SEMA5A: variants seen among roughly 807,000 people sequenced by gnomAD.
The protein encoded by SEMA5A is semaphorin-5A.
Under a neutral mutation model 135.5 loss-of-function variants are expected in SEMA5A, and 55 were observed. The observed-to-expected ratio is 0.41, with a 90% confidence interval of 0.33 to 0.51. SEMA5A has a LOEUF of 0.51. Ranked by LOEUF, SEMA5A falls within the 20% of genes least tolerant of loss-of-function variation. The pLI, the probability that SEMA5A is intolerant of heterozygous loss-of-function variation, is 0.37. For synonymous variants in SEMA5A, 580 were observed against 546.5 expected, an observed-to-expected ratio of 1.06 and a Z score of -0.85; for missense variants, 1,290 against 1,419.9, an observed-to-expected ratio of 0.91 and a Z score of 1.47.
rs566791166 is a variant in SEMA5A, at chr5:9,093,498, G to T, written c.2073+14642C>A. 2.0e-5 allele frequency among the ~76,000 whole-genome samples: 3 copies of T among 152,078 alleles called. No individual in the cohort carries two copies. The East Asian group carries it at 5.8e-4, about 29-fold the overall frequency. On this transcript the variant is annotated intron_variant, in intron 16 of 22. Transcript: ENST00000382496. ...CTGAGGCAGGTGGCTCACGAGGTCA[G>T]GAGTTCAAGACCAGCCTGACGAATA...
chr5:9,185,474 T>C (rs1196178953), intron 11 of SEMA5A, among the ~76,000 whole-genome samples: 2 of 152,260 alleles, frequency 1.3e-5, no homozygotes, highest in Non-Finnish European at 2.9e-5. Context: ...TGTGTGTATG[T>C]CTTCTTCCTT....
At chr5:9,458,171 T>C (rs1431877268) in intron 1 of SEMA5A, among the ~76,000 whole-genome samples, 1 of 151,858 alleles carries the variant, frequency 6.6e-6, no homozygotes, top group African/African-American at 2.4e-5. Flanking sequence ...CCTCCCAAAG[T>C]GCTGGGATTA....
chr5:9,316,660 T>C (rs982837675), intron 5 of SEMA5A, among the ~76,000 whole-genome samples: 16 of 152,228 alleles, frequency 1.1e-4, no homozygotes, highest in African/African-American at 3.9e-4. Context: ...CATTCTTTTT[T>C]TAATTAGCAA....
intron 16 of SEMA5A, among the ~76,000 whole-genome samples, chr5:9,088,656 A>ATATG (rs1479586156): frequency 2.4e-5 from 3 of 124,642 alleles, no homozygotes; most frequent in African/African-American, 9.9e-5. Context: ...ATATATATAT[A>ATATG]TATACACACA....
intron 8 of SEMA5A, among the ~76,000 whole-genome samples, chr5:9,213,432 A>G (rs1746449703): frequency 6.6e-6 from 1 of 152,208 alleles, no homozygotes; most frequent in East Asian, 1.9e-4. Flanking sequence ...AAGAAGAGTC[A>G]AAAGGGCTAG....
At chr5:9,065,935 G>A (rs1579329663) in intron 17 of SEMA5A, among the ~76,000 whole-genome samples, 1 of 152,204 alleles carries the variant, frequency 6.6e-6, no homozygotes. Context: ...AAGGAGCAAA[G>A]TTATTTCAAA....
At position 9,040,202 on chromosome 5, in the gene SEMA5A, G is replaced by T. The variant is rs970691524; in HGVS notation, c.*2695C>A. On this transcript the variant is annotated 3_prime_UTR_variant, in exon 23 of 23. Coordinates refer to ENST00000382496, the MANE Select transcript of SEMA5A (RefSeq NM_003966.3). ...AGAAAGGAAAGAAGAAAAGAAGGCA[G>T]GAAGGAAGAACAAAAGGAGGGAATG... The T allele has an allele frequency of 2.0e-5, 3 of 152,092 alleles. No individual in the cohort carries two copies. The highest frequency in any genetic ancestry group is 2.9e-5 in the Non-Finnish European group (2 of 68,028). The allele number at this position is 152,092 out of a possible 1,614,324, so 9.4% of individuals were successfully genotyped here. A position where few individuals can be genotyped will look rare whatever the true frequency, so the allele number is the denominator to read the frequency against.
chr5:9,177,354 T>G (rs1366833075), intron 11 of SEMA5A, among the ~76,000 whole-genome samples: 1 of 152,178 alleles, frequency 6.6e-6, no homozygotes, highest in Non-Finnish European at 1.5e-5. Flanking sequence ...TCATTTCAGA[T>G]GTTCTTCTAA....
At chr5:9,514,823 G>A (rs187609230) in intron 1 of SEMA5A, among the ~76,000 whole-genome samples, 1 of 152,068 alleles carries the variant, frequency 6.6e-6, no homozygotes, top group South Asian at 2.1e-4. Context: ...GCTTGCTAAG[G>A]TTCCTTCAAA....
intron 16 of SEMA5A, 96 bp downstream of exon 16, chr5:9,108,044 T>G (rs948092864): frequency 7.0e-7 from 1 of 1,434,764 alleles, no homozygotes; most frequent in African/African-American, 1.4e-5. Context: ...ATTTATTGTT[T>G]GCAGAACATC....
Position 9,500,008 on chromosome 5 carries a change from A to T in SEMA5A, c.-175+45576T>A, listed in dbSNP as rs567590326. 2.6e-5 allele frequency among the ~76,000 whole-genome samples: 4 copies of T among 152,274 alleles called. No individual in the cohort carries two copies. In the East Asian group the frequency reaches 7.7e-4, roughly 29 times the overall value. On this transcript the variant is annotated intron_variant, in intron 1 of 22. Coordinates refer to ENST00000382496, the MANE Select transcript of SEMA5A (RefSeq NM_003966.3). ...AGAAAACAATAAGAAAATATATGAGATCTGAAGCTCCATTAGCCAGTATCC... is the reference window on the plus strand; with the variant it reads ...AGAAAACAATAAGAAAATATATGAGTTCTGAAGCTCCATTAGCCAGTATCC...
intron 2 of SEMA5A, among the ~76,000 whole-genome samples, chr5:9,413,954 T>C (rs1037157187): frequency 2.6e-5 from 4 of 152,160 alleles, no homozygotes; most frequent in African/African-American, 9.7e-5. Context: ...ATATAAAATC[T>C]CTATAAAGTA....
chr5:9,432,290 A>G (rs1212369899), intron 2 of SEMA5A, among the ~76,000 whole-genome samples: 1 of 152,222 alleles, frequency 6.6e-6, no homozygotes, highest in Non-Finnish European at 1.5e-5. Context: ...TAGGAATGAC[A>G]GGCTAAACCT....
At chr5:9,061,640 G>A (rs544738387) in intron 18 of SEMA5A, among the ~76,000 whole-genome samples, 1 of 152,250 alleles carries the variant, frequency 6.6e-6, no homozygotes, top group Admixed American at 6.5e-5. Flanking sequence ...ATATTAAAGG[G>A]AAAGATGGAG....
In SEMA5A at chr5:9,154,696, C is replaced by T; in HGVS notation, c.1274-1G>A. 6.2e-7 allele frequency: 1 copy of T among 1,613,488 alleles called. No homozygotes were observed. The highest frequency in any genetic ancestry group is 8.5e-7 in the Non-Finnish European group (1 of 1,179,672). On this transcript the variant is annotated splice_acceptor_variant, in intron 11 of 22. Coordinates refer to ENST00000382496, the MANE Select transcript of SEMA5A (RefSeq NM_003966.3). LOFTEE classifies it high-confidence loss of function. ...CGCACTTTCTTAATGGTTCCGTAAT[C>T]TATGAAGGTCACAGGATGAAAAGGA... is the stretch of plus-strand genomic sequence containing the variant.
chr5:9,412,100 C>G (rs1042398768), intron 2 of SEMA5A, among the ~76,000 whole-genome samples: 6 of 152,134 alleles, frequency 3.9e-5, no homozygotes, highest in African/African-American at 1.4e-4. Flanking sequence ...ACTGTCAGGA[C>G]TAGGGCATTT....
intron 2 of SEMA5A, among the ~76,000 whole-genome samples, chr5:9,411,303 G>A (rs777980432): frequency 2.0e-5 from 3 of 152,232 alleles, no homozygotes; most frequent in Non-Finnish European, 4.4e-5. Flanking sequence ...AATAGGAAGT[G>A]AGTTTTCCAT....
At chr5:9,505,884 G>A (rs947053003) in intron 1 of SEMA5A, among the ~76,000 whole-genome samples, 1 of 152,186 alleles carries the variant, frequency 6.6e-6, no homozygotes, top group African/African-American at 2.4e-5. Flanking sequence ...TGAGCAATCA[G>A]AAATTTGTCC....
intron 16 of SEMA5A, among the ~76,000 whole-genome samples, chr5:9,086,867 A>G (rs1370708976): frequency 6.6e-6 from 1 of 152,208 alleles, no homozygotes; most frequent in Non-Finnish European, 1.5e-5. Context: ...TAAATTTATT[A>G]TTGAGAATAC....
Sources: allele counts gnomAD v4.1 joint callset (sites outside exome capture counted in the v4.1 genomes callset), GRCh38; gene constraint gnomAD v4.1.1; transcripts MANE v1.5; gene names NCBI Gene and HGNC (gene_info 2026-07-23, HGNC 2026-07-21).